The following SMYD3 variants were observed in gnomAD, a reference collection of about 807,000 sequenced individuals.
SMYD3 encodes the protein SET and MYND domain containing 3, also known as histone-lysine N-methyltransferase SMYD3.
SMYD3 carries 36 observed loss-of-function variants against 57.7 expected under a neutral mutation model. That is an observed-to-expected ratio of 0.62 (90% CI 0.48 to 0.82). The LOEUF (loss-of-function observed/expected upper bound fraction) is 0.82. Among genes scored for constraint, SMYD3 ranks in the 40% least tolerant of loss-of-function variants. The pLI is 0.00. For synonymous variants in SMYD3, 211 were observed against 195.0 expected (o/e 1.08, Z -0.68); for missense variants, 515 against 538.8 (o/e 0.96, Z 0.44).
intron 1 of SMYD3, among the ~76,000 whole-genome samples, chr1:246,478,743 C>CG (rs199795801): frequency 0.1 from 144 of 1,414 alleles, 59 homozygotes; most frequent in East Asian, 0.53. Context: ...ACCTGTCCTC[C>CG]ATCTGGAGCT....
At chr1:245,900,520 C>T (rs777416044) in intron 8 of SMYD3, among the ~76,000 whole-genome samples, 13 of 152,176 alleles carry the variant, frequency 8.5e-5, no homozygotes, top group Non-Finnish European at 1.8e-4. Context: ...TGGAGGAAGA[C>T]AGAAGGATTT....
chr1:246,269,543 C>T (rs59394056), intron 5 of SMYD3, among the ~76,000 whole-genome samples: 3,633 of 135,162 alleles, frequency 0.027, 147 homozygotes, highest in African/African-American at 0.089. Flanking sequence ...CTTTTTTTTT[C>T]TTTTTTTTTT....
chr1:245,872,730 G>A (rs553958383), intron 8 of SMYD3, among the ~76,000 whole-genome samples: 108 of 152,326 alleles, frequency 7.1e-4, no homozygotes, highest in African/African-American at 2.5e-3. Context: ...GGCAGAAACA[G>A]GGCTCTCCTG....
At chr1:245,969,802 G>T (rs1469924131) in intron 5 of SMYD3, among the ~76,000 whole-genome samples, 4 of 152,178 alleles carry the variant, frequency 2.6e-5, no homozygotes, top group Admixed American at 1.3e-4. Context: ...CCATCAGAAT[G>T]CTATTAGCAT....
intron 2 of SMYD3, among the ~76,000 whole-genome samples, chr1:246,352,248 G>C (rs1035947639): frequency 6.6e-6 from 1 of 150,928 alleles, no homozygotes; most frequent in African/African-American, 2.4e-5. Flanking sequence ...TACCCCAATA[G>C]CCTCTCTCAG....
intron 1 of SMYD3, among the ~76,000 whole-genome samples, chr1:246,487,485 G>T (rs563406193): frequency 6.6e-6 from 1 of 152,060 alleles, no homozygotes. Flanking sequence ...AAAATACAAG[G>T]TGGTAAATGT....
chr1:246,469,681 C>A (rs1428955218), intron 1 of SMYD3, among the ~76,000 whole-genome samples: 1 of 152,078 alleles, frequency 6.6e-6, no homozygotes, highest in Admixed American at 6.5e-5. Flanking sequence ...AGGTAAGGCT[C>A]CTCCTTAGAA....
At chr1:246,241,243 C>A (rs1250651907) in intron 5 of SMYD3, among the ~76,000 whole-genome samples, 1 of 152,114 alleles carries the variant, frequency 6.6e-6, no homozygotes, top group East Asian at 1.9e-4. Flanking sequence ...ATAAACAGTT[C>A]TTATTATTTA....
At chr1:245,765,943 A>G (rs1336315655) in intron 10 of SMYD3, among the ~76,000 whole-genome samples, 1 of 152,154 alleles carries the variant, frequency 6.6e-6, no homozygotes, top group Admixed American at 6.5e-5. Flanking sequence ...TTCTCTGAAA[A>G]TGCACACATA....
At chr1:246,493,499 G>A (rs1281466850) in intron 1 of SMYD3, among the ~76,000 whole-genome samples, 8 of 152,044 alleles carry the variant, frequency 5.3e-5, no homozygotes, top group Admixed American at 5.2e-4. Context: ...GGCCAAAAAG[G>A]GGCACTATTA....
intron 5 of SMYD3, among the ~76,000 whole-genome samples, chr1:245,959,124 A>AAAAC (rs146754978): frequency 6.7e-4 from 84 of 125,478 alleles, no homozygotes; most frequent in Non-Finnish European, 1.1e-3. Flanking sequence ...AGTTTCTCAA[A>AAAAC]AAACAAACAA....
chr1:245,842,598 G>A (rs1366530386), intron 10 of SMYD3, among the ~76,000 whole-genome samples: 1 of 152,162 alleles, frequency 6.6e-6, no homozygotes, highest in African/African-American at 2.4e-5. Context: ...GGGAATTAAT[G>A]AGAAAAGAAA....
At chr1:246,340,470 A>G (rs1275973237) in intron 2 of SMYD3, among the ~76,000 whole-genome samples, 1 of 152,132 alleles carries the variant, frequency 6.6e-6, no homozygotes. Flanking sequence ...CCAATAGACA[A>G]CTAATACAAA....
intron 8 of SMYD3, among the ~76,000 whole-genome samples, chr1:245,878,895 A>G (rs2052628798): frequency 6.6e-6 from 1 of 152,206 alleles, no homozygotes; most frequent in African/African-American, 2.4e-5. Context: ...TCCGGCAGAG[A>G]AAGAAGGGAA....
intron 1 of SMYD3, among the ~76,000 whole-genome samples, chr1:246,489,972 T>TA (rs1186474740): frequency 6.7e-6 from 1 of 149,760 alleles, no homozygotes; most frequent in African/African-American, 2.5e-5. Flanking sequence ...GGACTAGAAG[T>TA]ACGACCACCG....
chr1:246,050,591 A>T (rs1461775677), intron 5 of SMYD3, among the ~76,000 whole-genome samples: 3 of 152,258 alleles, frequency 2.0e-5, no homozygotes, highest in Non-Finnish European at 4.4e-5. Flanking sequence ...TAGGCCAGAC[A>T]TGATGAAGAT....
intron 5 of SMYD3, among the ~76,000 whole-genome samples, chr1:245,958,134 C>T (rs950290959): frequency 4.6e-5 from 7 of 152,260 alleles, no homozygotes; most frequent in Middle Eastern, 3.4e-3. Context: ...AAGCTACTAT[C>T]ACCCTCATTT....
At chr1:246,085,234 T>A (rs1413736278) in intron 5 of SMYD3, among the ~76,000 whole-genome samples, 5 of 152,138 alleles carry the variant, frequency 3.3e-5, no homozygotes, top group African/African-American at 1.2e-4. Context: ...TTAGTTAACA[T>A]CTGAAGTACC....
At chr1:246,257,720 G>T (rs1223448461) in intron 5 of SMYD3, among the ~76,000 whole-genome samples, 1 of 152,184 alleles carries the variant, frequency 6.6e-6, no homozygotes. Context: ...GGGTCTGTGG[G>T]CTATGTGCTT....
Sources: allele counts gnomAD v4.1 joint callset (sites outside exome capture counted in the v4.1 genomes callset), GRCh38; gene constraint gnomAD v4.1.1; transcripts MANE v1.5; gene names NCBI Gene and HGNC (gene_info 2026-07-23, HGNC 2026-07-21).